Variants in PHACTR2 observed in about 807,000 individuals in gnomAD.
PHACTR2 encodes phosphatase and actin regulator 2.
PHACTR2 carries 30 observed loss-of-function variants against 76.0 expected under a neutral mutation model. The observed-to-expected ratio is 0.39, with a 90% CI of 0.30 to 0.54. PHACTR2 has a LOEUF of 0.54. Among genes scored for constraint, PHACTR2 ranks in the 20% least tolerant of loss-of-function variants. The probability of loss-of-function intolerance (pLI) is 0.61; values close to 1 mark genes in which losing one functional copy is unlikely to be tolerated. For missense variants in PHACTR2, 696 were observed against 781.1 expected (o/e 0.89, Z 1.30); for synonymous variants, 292 against 292.5 (o/e 1.00, Z 0.02).
intron 2 of PHACTR2, among the ~76,000 whole-genome samples, chr6:143,724,954 A>G (rs915303527): frequency 1.3e-5 from 2 of 152,176 alleles, no homozygotes; most frequent in African/African-American, 4.8e-5. Context: ...CATATGCTGG[A>G]GGCAGATGTA....
In PHACTR2 at chr6:143,811,253, C is replaced by T. The variant is rs1776168126; in HGVS notation, c.1922+4120C>T. Among the ~76,000 whole-genome samples the T allele has an allele frequency of 6.6e-6, 1 of 152,130 alleles. No homozygotes were observed. Among genetic ancestry groups the T allele is most frequent in the Admixed American group, 6.5e-5 (1 of 15,270 alleles). On this transcript the variant is annotated intron_variant, in intron 12 of 12. Transcript: ENST00000440869. This position sits in a 1 kb window ranked among gnomAD's most constrained non-coding sequence, Gnocchi z 4.1. ...TTTTAATATACACATCGGTCAATTT[C>T]TGGATTGCTTATTATGTTCTAATGA...
rs1380811885 is a variant in PHACTR2, at chr6:143,823,503, T to C, written c.1923-171T>C. On this transcript the variant is annotated intron_variant, in intron 12 of 12. Coordinates refer to ENST00000440869, the MANE Select transcript of PHACTR2 (RefSeq NM_001100164.2). This position sits in a 1 kb window ranked among gnomAD's most constrained non-coding sequence, Gnocchi z 5.7. ...GGAAAGCGTTTATATATGCTTTCCT[T>C]AATAATATTTGTAACAGTATTTTGT... Among the ~76,000 whole-genome samples the C allele has an allele frequency of 6.6e-6, 1 of 152,246 alleles. No homozygotes were observed. The highest frequency in any genetic ancestry group is 6.5e-5 in the Admixed American group (1 of 15,294).
At position 143,672,795 on chromosome 6, in the gene PHACTR2, G is replaced by C. The variant is rs182336417; in HGVS notation, c.14-39221G>C. Reference sequence around the variant, plus strand: ...GCTGGAATGCAATGGCTCAACCTCAGCTCATTGCAACCTCCGCCTCCCAGG... The same window carrying C: ...GCTGGAATGCAATGGCTCAACCTCACCTCATTGCAACCTCCGCCTCCCAGG... On this transcript the variant is annotated intron_variant, in intron 1 of 11. Coordinates refer to the PHACTR2 transcript ENST00000305766. The surrounding 1 kb of genome is among the most constrained non-coding windows in gnomAD (Gnocchi z 5.8). Among the ~76,000 whole-genome samples, 2 of 152,058 alleles carry C rather than the reference G, an allele frequency of 1.3e-5. No individual in the cohort carries two copies. The highest frequency in any genetic ancestry group is 2.4e-5 in the African/African-American group (1 of 41,404).
rs1012068462 is a variant in PHACTR2 at position 143,795,796 on chromosome 6, G to C, written c.1845+6886G>C. Among the ~76,000 whole-genome samples, 2 of 152,208 alleles carry C rather than the reference G, an allele frequency of 1.3e-5. No individual in the cohort carries two copies. The highest frequency in any genetic ancestry group is 4.8e-5 in the African/African-American group (2 of 41,442). On this transcript the variant is annotated intron_variant, in intron 11 of 12. Coordinates refer to ENST00000440869, the MANE Select transcript of PHACTR2 (RefSeq NM_001100164.2). The surrounding 1 kb of genome is among the most constrained non-coding windows in gnomAD (Gnocchi z 4.8). ...AAATAAAGTCAATTATATCTATCTT[G>C]AGAATTAGGTAGAATATCTCTAGAA...
rs932807684 is a variant in PHACTR2, at chr6:143,764,837, T to C, written c.695-424T>C. On this transcript the variant is annotated intron_variant, in intron 5 of 12. Coordinates refer to ENST00000440869, the MANE Select transcript of PHACTR2 (RefSeq NM_001100164.2). This position sits in a 1 kb window ranked among gnomAD's most constrained non-coding sequence, Gnocchi z 4.7. ...CCACTCTATTCCTAGAAAGACAGCA[T>C]AGAACATGTATAATTTATGATGAGC... is the stretch of plus-strand genomic sequence containing the variant. Among the ~76,000 whole-genome samples, 1 of 152,178 alleles carries C rather than the reference T, an allele frequency of 6.6e-6. No homozygotes were observed. Among genetic ancestry groups the C allele is most frequent in the Non-Finnish European group, 1.5e-5 (1 of 68,034 alleles).
chr6:143,613,137 C>T (rs12196022), intron 1 of PHACTR2, among the ~76,000 whole-genome samples: 18 of 152,208 alleles, frequency 1.2e-4, no homozygotes, highest in Non-Finnish European at 2.5e-4. Context: ...CCCCCATGCC[C>T]GGCTAATTTT....
chr6:143,804,785 C>T (rs543136505), intron 11 of PHACTR2, among the ~76,000 whole-genome samples: 72 of 152,282 alleles, frequency 4.7e-4, no homozygotes, highest in Non-Finnish European at 9.4e-4. Context: ...AAGTCAACTT[C>T]GGTGGCATTA....
chr6:143,586,750 G>A (rs970777696), intron 1 of PHACTR2, among the ~76,000 whole-genome samples: 15 of 152,224 alleles, frequency 9.9e-5, no homozygotes, highest in African/African-American at 3.4e-4. Flanking sequence ...GTAACTCCCA[G>A]GTGTTGCCAT....
chr6:143,690,863 G>T (rs1270248485), intron 1 of PHACTR2, among the ~76,000 whole-genome samples: 1 of 152,196 alleles, frequency 6.6e-6, no homozygotes, highest in African/African-American at 2.4e-5. Flanking sequence ...TCACATTTAA[G>T]ATCTACATTG....
chr6:143,551,217 T>C (rs1408523731), intron 1 of PHACTR2, among the ~76,000 whole-genome samples: 3 of 150,212 alleles, frequency 2.0e-5, no homozygotes, highest in Admixed American at 2.0e-4. Flanking sequence ...ACCTAGTAGA[T>C]GCCCGAAACC....
chr6:143,581,280 G>A lies in PHACTR2; in HGVS notation c.217+44073G>A, dbSNP rs1775568983. Among the ~76,000 whole-genome samples, 2 of 152,206 alleles carry A rather than the reference G, an allele frequency of 1.3e-5. No individual in the cohort carries two copies. Among genetic ancestry groups the A allele is most frequent in the African/African-American group, 4.8e-5 (2 of 41,446 alleles). ...TCTGTAGATGTCTGTAATTGACCGG[G>A]AGGTATGTAGATGACTGTATCAAGT... On this transcript the variant is annotated intron_variant, in intron 1 of 11. Coordinates refer to the PHACTR2 transcript ENST00000367584. This position sits in a 1 kb window ranked among gnomAD's most constrained non-coding sequence, Gnocchi z 4.5.
At chr6:143,600,271 G>C (rs1775798392) in intron 1 of PHACTR2, among the ~76,000 whole-genome samples, 1 of 152,194 alleles carries the variant, frequency 6.6e-6, no homozygotes, top group Non-Finnish European at 1.5e-5. Context: ...CCCTTTGTTT[G>C]CTGGTTTTGT....
At position 143,610,865 on chromosome 6, in the gene PHACTR2, T is replaced by C. The variant is rs1200936868; in HGVS notation, c.13+2543T>C. Among the ~76,000 whole-genome samples the C allele has an allele frequency of 2.0e-5, 3 of 152,220 alleles. No homozygotes were observed. The highest frequency in any genetic ancestry group is 2.0e-4 in the Admixed American group (3 of 15,282). On this transcript the variant is annotated intron_variant, in intron 1 of 11. Transcript: ENST00000305766. This position sits in a 1 kb window ranked among gnomAD's most constrained non-coding sequence, Gnocchi z 4.9. ...TTTATCAAACTGTGTGTGTGGAATA[T>C]GTCAGGGCAATTTTAGCAATATCTA...
At chr6:143,813,793 A>C (rs1262479628) in intron 12 of PHACTR2, among the ~76,000 whole-genome samples, 2 of 152,020 alleles carry the variant, frequency 1.3e-5, no homozygotes, top group Non-Finnish European at 2.9e-5. Flanking sequence ...GAAGTTTCTT[A>C]ATGTTGAGAA....
At position 143,761,753 on chromosome 6, in the gene PHACTR2, CA is replaced by C. The variant is rs201523815; in HGVS notation, c.694+1125del. On this transcript the variant is annotated intron_variant, in intron 5 of 12. Coordinates refer to ENST00000440869, the MANE Select transcript of PHACTR2 (RefSeq NM_001100164.2). This position sits in a 1 kb window ranked among gnomAD's most constrained non-coding sequence, Gnocchi z 5.2. ...TGGGCGACAGAATGAGACTCCATCT[CA>C]AAAAAAAAAAATCTATTTTCCTTAA... Among the ~76,000 whole-genome samples the C allele has an allele frequency of 4.0e-4, 57 of 143,354 alleles. No homozygotes were observed. The highest frequency in any genetic ancestry group is 4.5e-4 in the Non-Finnish European group (29 of 65,148). The allele number at this position is 143,354 out of a possible 152,430, so 94.0% of individuals were successfully genotyped here.
At position 143,722,562 on chromosome 6, in the gene PHACTR2, A is replaced by C. The variant is rs986085967; in HGVS notation, c.214+10379A>C. Among the ~76,000 whole-genome samples, 1 of 152,228 alleles carries C rather than the reference A, an allele frequency of 6.6e-6. No homozygotes were observed. The highest frequency in any genetic ancestry group is 1.9e-4 in the East Asian group (1 of 5,200). The stretch of plus-strand genomic sequence containing the variant: ...TATAAGCATACAATGTGTAATGTTT[A>C]AATCAAGGTAATTGAGATATACATC... On this transcript the variant is annotated intron_variant, in intron 2 of 12. Transcript: ENST00000440869. The surrounding 1 kb of genome is among the most constrained non-coding windows in gnomAD (Gnocchi z 4.1).
At chr6:143,752,328 C>T (rs1258848161) in intron 3 of PHACTR2, among the ~76,000 whole-genome samples, 4 of 151,812 alleles carry the variant, frequency 2.6e-5, no homozygotes. Context: ...TGGAATTTTC[C>T]ATTCTTCATT....
At position 143,596,444 on chromosome 6, in the gene PHACTR2, T is replaced by C. The variant is rs1775757679; in HGVS notation, c.217+59237T>C. Among the ~76,000 whole-genome samples, 1 of 152,200 alleles carries C rather than the reference T, an allele frequency of 6.6e-6. No homozygotes were observed. The highest frequency in any genetic ancestry group is 1.5e-5 in the Non-Finnish European group (1 of 68,034). On this transcript the variant is annotated intron_variant, in intron 1 of 11. Transcript: ENST00000367584. The surrounding 1 kb of genome is among the most constrained non-coding windows in gnomAD (Gnocchi z 4.6). ...TTGTATCCCCAGATTGTTAGCAGAA[T>C]ATCAGTAATAAATGCTTAACAGCCA...
chr6:143,788,943 A>G, intron 11 of PHACTR2, 33 bp downstream of exon 11: 3 of 1,584,936 alleles, frequency 1.9e-6, no homozygotes, highest in Admixed American at 1.7e-5. Context: ...TGTTGATTGT[A>G]TTGCTTTTCT....
Sources: gnomAD v4.1 joint callset for allele counts (sites outside exome capture counted in the v4.1 genomes callset) on GRCh38, gnomAD v4.1.1 for gene constraint, Gnocchi (gnomAD v3.1) non-coding constraint, MANE v1.5 for transcripts, NCBI Gene and HGNC (gene_info 2026-07-23, HGNC 2026-07-21) for gene names.